The following ATL2 variants were observed in gnomAD, a reference collection of about 807,000 sequenced individuals.
The protein encoded by ATL2 is atlastin-2.
A neutral mutation model predicts 73.9 loss-of-function variants in ATL2; 31 were observed. That is an observed-to-expected ratio of 0.42 (90% CI 0.32 to 0.57). The LOEUF is 0.57. Among genes scored for constraint, ATL2 ranks in the 20% least tolerant of loss-of-function variants. The probability of loss-of-function intolerance (pLI) is 0.14; values close to 1 mark genes in which losing one functional copy is unlikely to be tolerated. For synonymous variants in ATL2, 291 were observed against 237.5 expected (o/e 1.23, Z -2.07); for missense variants, 738 against 702.6 (o/e 1.05, Z -0.57).
At position 38,349,455 on chromosome 2, in the gene ATL2, T is replaced by C. The variant is rs554525369; in HGVS notation, c.119-5943A>G. Among the ~76,000 whole-genome samples, 15 of 135,668 alleles carry C rather than the reference T, an allele frequency of 1.1e-4. No homozygotes were observed. In the Admixed American group the frequency reaches 1.2e-3, roughly 11 times the overall value. The allele number at this position is 135,668 out of a possible 152,430, so 89.0% of individuals were successfully genotyped here. A position where few individuals can be genotyped will look rare whatever the true frequency, so the allele number is the denominator to read the frequency against. ...ACCAAACACCGCATGTTCTCACTCA[T>C]AGATGGGAACTGAACAATGAGAACA... On this transcript the variant is annotated intron_variant, in intron 1 of 12. Transcript: ENST00000378954.
intron 2 of ATL2, among the ~76,000 whole-genome samples, chr2:38,323,354 T>G (rs944703165): frequency 8.8e-6 from 1 of 114,124 alleles, no homozygotes; most frequent in Non-Finnish European, 1.6e-5. Context: ...CAGAAGTTTT[T>G]TTTTTTTTTT....
At chr2:38,327,985 T>G (rs559622881) in intron 2 of ATL2, among the ~76,000 whole-genome samples, 2 of 152,178 alleles carry the variant, frequency 1.3e-5, no homozygotes, top group South Asian at 4.1e-4. Flanking sequence ...GCCAACTATA[T>G]GCTATCTATT....
Position 38,377,002 on chromosome 2 carries a change from G to T in ATL2, c.118+141C>A, listed in dbSNP as rs551506105. 158 of 598,502 alleles carry T rather than the reference G, an allele frequency of 2.6e-4. 1 individual carries two copies. The highest frequency in any genetic ancestry group is 1.4e-3 in the Admixed American group (32 of 22,350). 37.1% of individuals were successfully genotyped at this position (598,502 alleles called of 1,614,324 possible). Reference sequence around the variant, plus strand: ...GCGGGGCGCGGCTGAGGCTAGGCCCGGCGGGCAGGCGCGGCGGCGGGAGGA... The same window carrying T: ...GCGGGGCGCGGCTGAGGCTAGGCCCTGCGGGCAGGCGCGGCGGCGGGAGGA... On this transcript the variant is annotated intron_variant, in intron 1 of 12. Transcript: ENST00000378954.
intron 9 of ATL2, among the ~76,000 whole-genome samples, chr2:38,303,048 T>C (rs1252209317): frequency 6.6e-6 from 1 of 152,184 alleles, no homozygotes; most frequent in African/African-American, 2.4e-5. Context: ...AATAGCAGTT[T>C]TGAGGAAACT....
At chr2:38,373,179 T>C (rs960202189) in intron 1 of ATL2, among the ~76,000 whole-genome samples, 7 of 152,244 alleles carry the variant, frequency 4.6e-5, no homozygotes, top group African/African-American at 1.4e-4. Context: ...TGATTCCTCA[T>C]TCTTTTCCCA....
At chr2:38,370,139 C>G (rs1473740418) in intron 1 of ATL2, among the ~76,000 whole-genome samples, 3 of 121,136 alleles carry the variant, frequency 2.5e-5, no homozygotes, top group Admixed American at 2.0e-4. Context: ...TGGGCGACAG[C>G]GAGACTCCGT....
intron 10 of ATL2, among the ~76,000 whole-genome samples, chr2:38,300,048 C>A (rs1354175505): frequency 1.3e-5 from 2 of 152,094 alleles, no homozygotes; most frequent in African/African-American, 4.8e-5. Flanking sequence ...GTACTGAGGA[C>A]TCTTATTTCT....
chr2:38,334,829 CATT>C (rs1439131364), intron 2 of ATL2, among the ~76,000 whole-genome samples: 2 of 69,920 alleles, frequency 2.9e-5, no homozygotes, highest in Non-Finnish European at 7.0e-5. Context: ...TAATATTCAA[CATT>C]ATAGTTATAA....
intron 7 of ATL2, among the ~76,000 whole-genome samples, chr2:38,311,390 A>G (rs1177513432): frequency 6.6e-6 from 1 of 152,204 alleles, no homozygotes; most frequent in East Asian, 1.9e-4. Context: ...ACAGTCTCCT[A>G]AACACTCTTC....
intron 1 of ATL2, chr2:38,376,558 G>A (rs946916202): frequency 6.1e-6 from 1 of 164,498 alleles, no homozygotes; most frequent in Admixed American, 6.3e-5. Flanking sequence ...CCCGGGGACA[G>A]AGCCCTGGCC....
At chr2:38,336,637 A>G (rs966727272) in intron 2 of ATL2, among the ~76,000 whole-genome samples, 2 of 152,208 alleles carry the variant, frequency 1.3e-5, no homozygotes, top group Non-Finnish European at 2.9e-5. Context: ...GACCAAACAT[A>G]ATTTTACATA....
In ATL2 at chr2:38,296,131, T is replaced by C; in HGVS notation, c.1633-18A>G. The C allele has an allele frequency of 1.3e-6, 2 of 1,534,020 alleles. No individual in the cohort carries two copies. The highest frequency in any genetic ancestry group is 1.4e-5 in the African/African-American group (1 of 72,314). On this transcript the variant is annotated intron_variant, in intron 12 of 12. Transcript: ENST00000378954. Reference sequence around the variant, plus strand: ...TTCAATACCTGTGGTATGAGAAATGTGCAAAACAAACAAAAACATGAGGTA... The same window carrying C: ...TTCAATACCTGTGGTATGAGAAATGCGCAAAACAAACAAAAACATGAGGTA...
chr2:38,322,689 TA>T (rs200432695), intron 2 of ATL2, among the ~76,000 whole-genome samples: 2 of 151,438 alleles, frequency 1.3e-5, no homozygotes, highest in Admixed American at 6.6e-5. Context: ...TGGAAATGTT[TA>T]AAAAAAAATA....
At chr2:38,341,490 C>A (rs1039581903) in intron 2 of ATL2, among the ~76,000 whole-genome samples, 3 of 151,918 alleles carry the variant, frequency 2.0e-5, no homozygotes, top group Non-Finnish European at 4.4e-5. Flanking sequence ...ATTTAAAAAT[C>A]AGCCAAGCAT....
At chr2:38,324,332 C>A (rs961426858) in intron 2 of ATL2, among the ~76,000 whole-genome samples, 1 of 152,164 alleles carries the variant, frequency 6.6e-6, no homozygotes, top group African/African-American at 2.4e-5. Context: ...TCCCTAGTTG[C>A]ATGACATTCC....
At chr2:38,377,898 A>C (rs116367661), upstream of ATL2, among the ~76,000 whole-genome samples, 3,179 of 147,330 alleles carry the variant, frequency 0.022, 36 homozygotes, top group Non-Finnish European at 0.03. Context: ...TTCGCTCCCC[A>C]TCTACTTATG....
intron 1 of ATL2, among the ~76,000 whole-genome samples, chr2:38,364,837 G>T (rs1047059690): frequency 6.6e-6 from 1 of 152,160 alleles, no homozygotes; most frequent in Admixed American, 6.5e-5. Flanking sequence ...GAGGTCAGGA[G>T]ATTGAGACCA....
intron 1 of ATL2, among the ~76,000 whole-genome samples, chr2:38,346,941 A>G (rs1380624782): frequency 6.6e-6 from 1 of 152,172 alleles, no homozygotes; most frequent in Non-Finnish European, 1.5e-5. Flanking sequence ...TTGTTTCCTA[A>G]TAAATTCACA....
intron 12 of ATL2, chr2:38,297,840 T>C (rs1666976882): frequency 4.8e-6 from 1 of 207,578 alleles, no homozygotes; most frequent in African/African-American, 2.3e-5. Context: ...ATTGTTTATA[T>C]TTTCTTTCCT....
Sources: gnomAD v4.1 joint callset for allele counts (sites outside exome capture counted in the v4.1 genomes callset) on GRCh38, gnomAD v4.1.1 for gene constraint, MANE v1.5 for transcripts, NCBI Gene and HGNC (gene_info 2026-07-23, HGNC 2026-07-21) for gene names.